Variants in DENND4C observed in about 807,000 individuals in gnomAD.
DENND4C encodes DENN domain containing 4C.
Under a neutral mutation model 203.0 loss-of-function variants are expected in DENND4C, and 108 were observed. The ratio of observed to expected loss-of-function variants is 0.53; its 90% CI spans 0.46 to 0.62. The LOEUF (loss-of-function observed/expected upper bound fraction) is 0.62. DENND4C is among the 20% of genes least tolerant of loss of function. DENND4C has a pLI of 0.00. For synonymous variants in DENND4C, 871 were observed against 792.4 expected (o/e 1.10, Z -1.67); for missense variants, 2,481 against 2,301.2 (o/e 1.08, Z -1.60).
At chr9:19,331,166 A>G (rs1819053387) in intron 16 of DENND4C, among the ~76,000 whole-genome samples, 1 of 152,106 alleles carries the variant, frequency 6.6e-6, no homozygotes. Context: ...ATGACTATCA[A>G]ACTATTAGGA....
At chr9:19,277,463 G>T (rs994438558) in intron 2 of DENND4C, among the ~76,000 whole-genome samples, 2 of 151,884 alleles carry the variant, frequency 1.3e-5, no homozygotes, top group Non-Finnish European at 2.9e-5. Flanking sequence ...TTAATTTTTG[G>T]ATTGTTTGTT....
chr9:19,370,191 C>T (rs999439248), intron 31 of DENND4C: 3 of 581,328 alleles, frequency 5.2e-6, no homozygotes, highest in Non-Finnish European at 5.8e-6. Context: ...GGCACGGTGG[C>T]TCACACCTGT....
chr9:19,319,215 ATATATATATACACATTTATATATG>A (rs1006067285), intron 12 of DENND4C, among the ~76,000 whole-genome samples: 1 of 147,200 alleles, frequency 6.8e-6, no homozygotes, highest in Non-Finnish European at 1.5e-5. Context: ...ATATATGTAT[ATATATATATACACATTTATATATG>A]TATATATATA....
intron 15 of DENND4C, among the ~76,000 whole-genome samples, chr9:19,326,893 G>C (rs145930487): frequency 1.3e-5 from 2 of 151,988 alleles, no homozygotes; most frequent in African/African-American, 4.8e-5. Context: ...TGACCACATT[G>C]TATGCATTTA....
At chr9:19,252,205 C>G (rs951724225) in intron 1 of DENND4C, among the ~76,000 whole-genome samples, 6 of 152,106 alleles carry the variant, frequency 3.9e-5, no homozygotes, top group Non-Finnish European at 8.8e-5. Flanking sequence ...TGGCAGCAGG[C>G]AAATAGAGAG....
At chr9:19,245,754 G>A (rs1054291357) in intron 1 of DENND4C, among the ~76,000 whole-genome samples, 2 of 151,956 alleles carry the variant, frequency 1.3e-5, no homozygotes, top group African/African-American at 4.8e-5. Flanking sequence ...TACTCAGAAG[G>A]CTGAGGCGGG....
intron 17 of DENND4C, among the ~76,000 whole-genome samples, chr9:19,334,068 C>A (rs1588941833): frequency 6.6e-6 from 1 of 152,088 alleles, no homozygotes; most frequent in East Asian, 1.9e-4. Flanking sequence ...TATTTAGAGA[C>A]AGTTTTACTC....
intron 23 of DENND4C, among the ~76,000 whole-genome samples, chr9:19,350,178 T>G (rs1331455363): frequency 6.6e-6 from 1 of 152,222 alleles, no homozygotes; most frequent in Non-Finnish European, 1.5e-5. Context: ...AATATTGATA[T>G]TTGTTATTCT....
At chr9:19,232,330 C>G (rs1588697080) in intron 1 of DENND4C, among the ~76,000 whole-genome samples, 1 of 151,952 alleles carries the variant, frequency 6.6e-6, no homozygotes, top group Non-Finnish European at 1.5e-5. Flanking sequence ...GCATTGGTAT[C>G]TCCGTTGACC....
rs572749190 is a variant in DENND4C at position 19,332,002 on chromosome 9, G to A, written c.2278G>A (p.Ala760Thr). 3.7e-5 allele frequency: 60 copies of A among 1,613,638 alleles called. 1 individual carries two copies. The South Asian group carries it at 6.4e-4, about 17-fold the overall frequency. Residue 760 changes from alanine (A) to threonine (T), a missense_variant, in exon 17 of 33, where the codon GCG (alanine) becomes ACG (threonine). Transcript: ENST00000434457. The part of the protein sequence containing the change: ...KQEIKTAHKL[A>T]KRCYTNPPQW... The stretch of plus-strand genomic sequence containing the variant: ...GGAAATAAAAACAGCTCATAAATTG[G>A]CGAAGAGATGTTATACAAATCCACC...
intron 12 of DENND4C, among the ~76,000 whole-genome samples, chr9:19,323,285 CCAGTCGTGGTGATGG>C: frequency 6.6e-6 from 1 of 152,160 alleles, no homozygotes; most frequent in East Asian, 1.9e-4. Flanking sequence ...CAAAAATTAG[CCAGTCGTGGTGATGG>C]GCACCTGTAA....
In DENND4C at chr9:19,305,423, T is replaced by C. The variant is rs1839460685; in HGVS notation, c.1383T>C (p.Ser461=). The part of the protein sequence containing the change: ...LCPLSLAAVL[S]APLPFIVGVD... ...CTCTTTCACTGGCTGCAGTGCTTAG[T>C]GCACCTTTACCATTTATAGTTGGAG... Residue 461 remains serine, a synonymous_variant, in exon 10 of 33, where the codon AGT becomes AGC. Coordinates refer to ENST00000434457, the MANE Select transcript of DENND4C (RefSeq NM_001330640.2). 2 of 1,613,922 alleles carry C rather than the reference T, an allele frequency of 1.2e-6. No homozygotes were observed. Among genetic ancestry groups the C allele is most frequent in the Non-Finnish European group, 8.5e-7 (1 of 1,179,930 alleles).
Position 19,373,480 on chromosome 9 carries a change from A to G in DENND4C, c.*1307A>G, listed in dbSNP as rs1287716508. 6.6e-6 allele frequency: 1 copy of G among 152,648 alleles called. No individual in the cohort carries two copies. The highest frequency in any genetic ancestry group is 2.4e-5 in the African/African-American group (1 of 41,468). 9.5% of individuals were successfully genotyped at this position (152,648 alleles called of 1,614,324 possible). The stretch of plus-strand genomic sequence containing the variant: ...AACCTGTGGGATAAACTTGCACTGC[A>G]CACGGAAGTTTTATTCTTGTATATT... On this transcript the variant is annotated 3_prime_UTR_variant, in exon 33 of 33. Coordinates refer to ENST00000434457, the MANE Select transcript of DENND4C (RefSeq NM_001330640.2).
intron 20 of DENND4C, among the ~76,000 whole-genome samples, chr9:19,338,257 T>G (rs1820915643): frequency 2.0e-5 from 3 of 152,148 alleles, no homozygotes; most frequent in Non-Finnish European, 4.4e-5. Flanking sequence ...ATGGGCTTCA[T>G]GTATAAAAAG....
chr9:19,261,592 T>C (rs376440995), intron 1 of DENND4C, among the ~76,000 whole-genome samples: 152 of 152,004 alleles, frequency 1.0e-3, no homozygotes, highest in Middle Eastern at 3.4e-3. Flanking sequence ...AGTCTTGACC[T>C]CCTAGGCTCA....
chr9:19,304,730 T>C (rs1839314234), intron 9 of DENND4C, among the ~76,000 whole-genome samples: 1 of 148,762 alleles, frequency 6.7e-6, no homozygotes, highest in South Asian at 2.1e-4. Context: ...TTTTTTTTTT[T>C]AGTAGAGACG....
Position 19,288,626 on chromosome 9 carries a change from A to C in DENND4C, c.589A>C (p.Lys197Gln). 1 of 1,231,812 alleles carries C rather than the reference A, an allele frequency of 8.1e-7. No individual in the cohort carries two copies. Among genetic ancestry groups the C allele is most frequent in the Admixed American group, 4.2e-5 (1 of 23,706 alleles). The allele number at this position is 1,231,812 out of a possible 1,614,324, so 76.3% of individuals were successfully genotyped here. Reference protein sequence around the residue: ...WGSSVFLCYKKSVPASNAIAY... With the variant: ...WGSSVFLCYKQSVPASNAIAY... ...TTCCAGCGTGTTTCTGTGTTATAAG[A>C]AGTCTGTACCTGCTTCAAATGCAAT... is the stretch of plus-strand genomic sequence containing the variant. Residue 197 changes from lysine (K) to glutamine (Q), a missense_variant, in exon 4 of 33, where the codon AAG becomes CAG. By Grantham distance (53) the Lys-to-Gln change is moderately conservative (BLOSUM62 1). This residue lies in a region of DENND4C where 2,289 missense variants were observed against 2,113.3 expected (regional missense o/e 1.08). Coordinates refer to ENST00000434457, the MANE Select transcript of DENND4C (RefSeq NM_001330640.2).
intron 16 of DENND4C, among the ~76,000 whole-genome samples, chr9:19,328,673 A>ATCTG (rs1818404979): frequency 6.9e-6 from 1 of 145,284 alleles, no homozygotes; most frequent in Non-Finnish European, 1.5e-5. Context: ...CTATCTATCT[A>ATCTG]TCTATCTATC....
chr9:19,323,218 T>G (rs895102297), intron 12 of DENND4C, among the ~76,000 whole-genome samples: 24 of 152,148 alleles, frequency 1.6e-4, no homozygotes, highest in African/African-American at 5.5e-4. Context: ...GCTGATCACC[T>G]GAGGTCCGTT....
Sources: gnomAD v4.1 joint callset for allele counts (sites outside exome capture counted in the v4.1 genomes callset) on GRCh38, gnomAD v4.1.1 for gene constraint, gnomAD v4.1.1 regional missense constraint, MANE v1.5 for transcripts, NCBI Gene and HGNC (gene_info 2026-07-23, HGNC 2026-07-21) for gene names.